Variants in RPUSD4 observed in about 807,000 individuals in gnomAD.
RPUSD4 encodes the protein pseudouridylate synthase RPUSD4, mitochondrial.
Under a neutral mutation model 35.4 loss-of-function variants are expected in RPUSD4, and 37 were observed. The ratio of observed to expected loss-of-function variants is 1.04; its 90% CI spans 0.80 to 1.37. The LOEUF (loss-of-function observed/expected upper bound fraction) is 1.37. RPUSD4 is among the 40% of genes most tolerant of loss of function. The pLI is 0.00. For synonymous variants in RPUSD4, 210 were observed against 192.7 expected (o/e 1.09, Z -0.74); for missense variants, 507 against 484.9 (o/e 1.05, Z -0.43).
intron 3 of RPUSD4, 77 bp downstream of exon 3, chr11:126,209,444 T>C: frequency 2.3e-6 from 3 of 1,280,864 alleles, no homozygotes; most frequent in Non-Finnish European, 2.2e-6. Flanking sequence ...AATGGGAGTT[T>C]CTGTTTTTAA....
intron 5 of RPUSD4, 81 bp downstream of exon 5, chr11:126,205,375 CAGCCACACTACT>C: frequency 6.7e-7 from 1 of 1,490,070 alleles, no homozygotes; most frequent in Non-Finnish European, 9.2e-7. Context: ...TCACACAAGT[CAGCCACACTACT>C]AGCTGCTCAG....
Position 126,211,589 on chromosome 11 carries a change from C to T in RPUSD4, c.50G>A (p.Gly17Asp), listed in dbSNP as rs1422673963. 1 of 1,614,144 alleles carries T rather than the reference C, an allele frequency of 6.2e-7. No individual in the cohort carries two copies. ...AGTGAAGAGACTCCCGCAACCTTGGCCGTTTCCCCGGATCCAGGGGCCCGA... is the reference window on the plus strand; with the variant it reads ...AGTGAAGAGACTCCCGCAACCTTGGTCGTTTCCCCGGATCCAGGGGCCCGA... ...SASGPWIRGNGQGCGSLFTLV... is the reference protein window; with the variant it reads ...SASGPWIRGNDQGCGSLFTLV... The change falls in exon 1 of 7, where the codon GGC becomes GAC. Residue 17 changes from glycine to aspartate, a missense_variant. By Grantham distance (94) the Gly-to-Asp change is moderately conservative. Coordinates refer to ENST00000298317, the MANE Select transcript of RPUSD4 (RefSeq NM_032795.3).
Position 126,211,149 on chromosome 11 carries a change from T to C in RPUSD4, c.190-94A>G, listed in dbSNP as rs991073698. 3 of 1,419,182 alleles carry C rather than the reference T, an allele frequency of 2.1e-6. No homozygotes were observed. In the African/African-American group the frequency reaches 4.3e-5, roughly 20 times the overall value. 87.9% of individuals were successfully genotyped at this position (1,419,182 alleles called of 1,614,324 possible). On this transcript the variant is annotated intron_variant, in intron 1 of 6. Transcript: ENST00000298317. ...TCTGGGTGAGAATCTGAGTAGGGAA[T>C]GACTATCTTTGCATCAGACCCGCGC...
At chr11:126,210,329 C>T (rs1949833462) in intron 2 of RPUSD4, among the ~76,000 whole-genome samples, 1 of 152,154 alleles carries the variant, frequency 6.6e-6, no homozygotes, top group Non-Finnish European at 1.5e-5. Flanking sequence ...CGTATCTCCC[C>T]AAAAAGCATT....
At chr11:126,204,167 T>A (rs1341755749) in intron 6 of RPUSD4, 64 bp downstream of exon 6, 3 of 1,122,354 alleles carry the variant, frequency 2.7e-6, no homozygotes, top group Admixed American at 3.8e-5. Context: ...TTTCAGAGTT[T>A]TAAGAAAAGG....
At chr11:126,211,185 T>C in intron 1 of RPUSD4, 130 bp from the exon 2 acceptor site, 1 of 1,147,460 alleles carries the variant, frequency 8.7e-7, no homozygotes, top group East Asian at 2.4e-5. Context: ...CGCCTTCGAC[T>C]AATTTGAGAG....
rs1221380883 is a variant in RPUSD4 at position 126,204,343 on chromosome 11, A to AGG, written c.797-16_797-15insCC. On this transcript the variant is annotated splice_polypyrimidine_tract_variant and intron_variant, in intron 5 of 6. Coordinates refer to ENST00000298317, the MANE Select transcript of RPUSD4 (RefSeq NM_032795.3). ...ATGTTTTATTCCTTAAAAGAGAGAG[A>AGG]GAGAGAAAGAGAGAAAACTCGTGAG... The AGG allele has an allele frequency of 6.3e-7, 1 of 1,578,588 alleles. No individual in the cohort carries two copies. The highest frequency in any genetic ancestry group is 8.7e-7 in the Non-Finnish European group (1 of 1,154,924).
chr11:126,203,728 G>A, intron 6 of RPUSD4, 71 bp from the exon 7 acceptor site: 1 of 1,543,240 alleles, frequency 6.5e-7, no homozygotes, highest in South Asian at 1.2e-5. Flanking sequence ...GCAAGGTCAG[G>A]GCACTTCTAC....
intron 5 of RPUSD4, among the ~76,000 whole-genome samples, 167 bp downstream of exon 5, chr11:126,205,301 T>G (rs994311119): frequency 6.6e-6 from 1 of 152,226 alleles, no homozygotes; most frequent in Non-Finnish European, 1.5e-5. Context: ...GTTTGTATTC[T>G]TCTGCTAGCC....
In RPUSD4 at chr11:126,205,500, G is replaced by A; in HGVS notation, c.764C>T (p.Ser255Phe). The change falls in exon 5 of 7, where the codon TCC becomes TTC. Residue 255 changes from serine to phenylalanine, a missense_variant. By Grantham distance (155) the Ser-to-Phe change is radical. Transcript: ENST00000298317. The stretch of plus-strand genomic sequence containing the variant: ...GGGCTGGAGCTCCACGAGGGCGGAG[G>A]AGAGAGTGCTGCTGAGCACCTGGTA... ...TQYQVLSSTL[S>F]SALVELQPIT... 6.2e-6 allele frequency: 10 copies of A among 1,614,266 alleles called. No homozygotes were observed. Among genetic ancestry groups the A allele is most frequent in the Non-Finnish European group, 8.5e-6 (10 of 1,180,040 alleles).
intron 1 of RPUSD4, 43 bp downstream of exon 1, chr11:126,211,407 T>A: frequency 6.5e-7 from 1 of 1,549,870 alleles, no homozygotes; most frequent in Non-Finnish European, 8.7e-7. Context: ...GGGAAACCAA[T>A]GAGCGCACTG....
intron 3 of RPUSD4, 55 bp from the exon 4 acceptor site, chr11:126,205,836 G>A (rs1949768577): frequency 4.3e-6 from 6 of 1,408,978 alleles, no homozygotes; most frequent in African/African-American, 1.4e-5. Context: ...AGAACTCCTA[G>A]ATTTGGCCAC....
intron 2 of RPUSD4, among the ~76,000 whole-genome samples, chr11:126,210,263 T>C (rs1209293439): frequency 2.6e-5 from 4 of 152,116 alleles, no homozygotes; most frequent in Non-Finnish European, 5.9e-5. Context: ...GAGAAAAAAA[T>C]TATACAAACA....
chr11:126,210,520 T>TACATACATACACAC (rs746246254), intron 2 of RPUSD4, among the ~76,000 whole-genome samples: 51 of 60,286 alleles, frequency 8.5e-4, no homozygotes, highest in Middle Eastern at 9.8e-3. Context: ...CCAACATACA[T>TACATACATACACAC]ACACACACAC....
rs556570550 is a variant in RPUSD4 at position 126,207,581 on chromosome 11, C to T, written c.558-1800G>A. On this transcript the variant is annotated intron_variant, in intron 3 of 6. Transcript: ENST00000298317. The stretch of plus-strand genomic sequence containing the variant: ...AACCTGGGCCAGACACAGTGGCTCA[C>T]GCCTGTGAGCTGTAAGCGCTGTAAT... Among the ~76,000 whole-genome samples the T allele has an allele frequency of 4.6e-5, 7 of 152,344 alleles. No homozygotes were observed. The South Asian group carries it at 1.0e-3, about 23-fold the overall frequency.
chr11:126,203,152 G>C lies in RPUSD4; in HGVS notation c.*266C>G, dbSNP rs1431094395. 2 of 418,182 alleles carry C rather than the reference G, an allele frequency of 4.8e-6. No individual in the cohort carries two copies. Among genetic ancestry groups the C allele is most frequent in the Non-Finnish European group, 8.7e-6 (2 of 230,732 alleles). 25.9% of individuals were successfully genotyped at this position (418,182 alleles called of 1,614,324 possible). A position where few individuals can be genotyped will look rare whatever the true frequency, so the allele number is the denominator to read the frequency against. On this transcript the variant is annotated 3_prime_UTR_variant, in exon 7 of 7. Transcript: ENST00000298317. ...GGGCTCTGTTCCATATTGGCAATGA[G>C]AGCCCACGGCAGGGAGACTTCCAGC...
At position 126,203,268 on chromosome 11, in the gene RPUSD4, C is replaced by T. The variant is rs989196979; in HGVS notation, c.*150G>A. On this transcript the variant is annotated 3_prime_UTR_variant, in exon 7 of 7. Transcript: ENST00000298317. ...GCAGCTGAGTTGCTTTACCTTATCC[C>T]ACCTGGCTCTTACGCAGTCTGTTCC... The T allele has an allele frequency of 8.6e-7, 1 of 1,159,166 alleles. No homozygotes were observed. Among genetic ancestry groups the T allele is most frequent in the African/African-American group, 1.5e-5 (1 of 65,118 alleles). The allele number at this position is 1,159,166 out of a possible 1,614,324, so 71.8% of individuals were successfully genotyped here.
chr11:126,203,296 G>C lies in RPUSD4; in HGVS notation c.*122C>G, dbSNP rs1355294714. The C allele has an allele frequency of 6.9e-7, 1 of 1,439,344 alleles. No homozygotes were observed. The highest frequency in any genetic ancestry group is 1.9e-5 in the Admixed American group (1 of 51,444). 89.2% of individuals were successfully genotyped at this position (1,439,344 alleles called of 1,614,324 possible). On this transcript the variant is annotated 3_prime_UTR_variant, in exon 7 of 7. Transcript: ENST00000298317. ...CTGGCTCTTACGCAGTCTGTTCCAA[G>C]TGAGAAGTTAGCAGAGTCCTGTAAA...
intron 3 of RPUSD4, 137 bp from the exon 4 acceptor site, chr11:126,205,918 T>G: frequency 1.6e-6 from 1 of 636,260 alleles, no homozygotes; most frequent in Non-Finnish European, 2.6e-6. Context: ...TGCAAGATTC[T>G]CTTGGTGTAA....
Sources: gnomAD v4.1 joint callset for allele counts (sites outside exome capture counted in the v4.1 genomes callset) on GRCh38, gnomAD v4.1.1 for gene constraint, MANE v1.5 for transcripts, NCBI Gene and HGNC (gene_info 2026-07-23, HGNC 2026-07-21) for gene names.